NDST3: variants seen among roughly 807,000 people sequenced by gnomAD.
The protein encoded by NDST3 is N-deacetylase and N-sulfotransferase 3, also known as bifunctional heparan sulfate N-deacetylase/N-sulfotransferase 3.
Under a neutral mutation model 96.1 loss-of-function variants are expected in NDST3, and 58 were observed. The ratio of observed to expected loss-of-function variants is 0.60; its 90% CI spans 0.49 to 0.75. The LOEUF (loss-of-function observed/expected upper bound fraction) is 0.75, where lower values mean the gene tolerates loss of function less well. Ranked by LOEUF, NDST3 falls within the 30% of genes least tolerant of loss-of-function variation. The pLI is 0.00. For missense variants in NDST3, 788 were observed against 1,034.2 expected (o/e 0.76, Z 3.27); for synonymous variants, 333 against 359.7 (o/e 0.93, Z 0.84).
At chr4:118,084,992 C>T (rs1486638957) in intron 2 of NDST3, among the ~76,000 whole-genome samples, 1 of 152,036 alleles carries the variant, frequency 6.6e-6, no homozygotes, top group African/African-American at 2.4e-5. Flanking sequence ...GGCATGGTGG[C>T]AGGCACCTGT....
intron 4 of NDST3, among the ~76,000 whole-genome samples, chr4:118,126,553 T>TATATAC (rs1325447150): frequency 1.4e-5 from 2 of 142,356 alleles, no homozygotes; most frequent in African/African-American, 5.6e-5. Context: ...TATATATATA[T>TATATAC]ACACCTCATA....
chr4:118,164,004 C>T (rs978521389), intron 6 of NDST3, among the ~76,000 whole-genome samples: 2 of 152,026 alleles, frequency 1.3e-5, no homozygotes, highest in Non-Finnish European at 2.9e-5. Flanking sequence ...TAGATACATA[C>T]CCAAAGGAAT....
intron 4 of NDST3, among the ~76,000 whole-genome samples, chr4:118,117,576 C>T (rs987545294): frequency 6.6e-6 from 1 of 152,012 alleles, no homozygotes; most frequent in Non-Finnish European, 1.5e-5. Context: ...CAAGGGTTTC[C>T]AATTTTAACA....
chr4:118,133,815 T>C (rs1732841793), intron 4 of NDST3, among the ~76,000 whole-genome samples: 1 of 152,176 alleles, frequency 6.6e-6, no homozygotes, highest in African/African-American at 2.4e-5. Context: ...GAGAAGGAGG[T>C]AGTCAGAATC....
chr4:118,140,221 C>A (rs146650468), intron 5 of NDST3, among the ~76,000 whole-genome samples: 1 of 152,206 alleles, frequency 6.6e-6, no homozygotes, highest in Non-Finnish European at 1.5e-5. Flanking sequence ...CTACCTATTT[C>A]TATTCCCTTT....
intron 6 of NDST3, among the ~76,000 whole-genome samples, chr4:118,165,037 GACAAAACA>G (rs1181983870): frequency 6.6e-6 from 1 of 152,002 alleles, no homozygotes; most frequent in Non-Finnish European, 1.5e-5. Context: ...AAAGCCTCAA[GACAAAACA>G]ATTAACAAAA....
intron 2 of NDST3, among the ~76,000 whole-genome samples, chr4:118,058,004 G>A (rs1345583385): frequency 6.6e-6 from 1 of 151,284 alleles, no homozygotes; most frequent in African/African-American, 2.4e-5. Flanking sequence ...AAAATCATGA[G>A]GTCTAAAAAA....
chr4:118,122,836 A>G (rs549895000), intron 4 of NDST3, among the ~76,000 whole-genome samples: 3 of 152,274 alleles, frequency 2.0e-5, no homozygotes, highest in South Asian at 2.1e-4. Context: ...AATTCTCCCA[A>G]CCACCTGTGA....
intron 6 of NDST3, among the ~76,000 whole-genome samples, chr4:118,155,544 C>G (rs1304331576): frequency 2.0e-5 from 3 of 152,164 alleles, no homozygotes; most frequent in East Asian, 1.9e-4. Context: ...TTTTATTACT[C>G]TTTCCTAAAT....
intron 5 of NDST3, 138 bp downstream of exon 5, chr4:118,138,377 T>A: frequency 3.1e-6 from 2 of 647,820 alleles, no homozygotes; most frequent in Non-Finnish European, 4.8e-6. Flanking sequence ...TTGTCATATC[T>A]AAGCAGAAAA....
intron 6 of NDST3, among the ~76,000 whole-genome samples, chr4:118,199,004 T>G (rs144793338): frequency 6.6e-6 from 1 of 152,158 alleles, no homozygotes; most frequent in Non-Finnish European, 1.5e-5. Flanking sequence ...CCTTTGCAAG[T>G]TGAATTACCA....
chr4:118,113,291 A>C (rs1730793692), intron 3 of NDST3, among the ~76,000 whole-genome samples: 1 of 152,266 alleles, frequency 6.6e-6, no homozygotes, highest in Non-Finnish European at 1.5e-5. Flanking sequence ...TGGTAACATA[A>C]GTGTATATGA....
intron 6 of NDST3, among the ~76,000 whole-genome samples, chr4:118,184,283 G>A (rs1289702974): frequency 6.6e-6 from 1 of 152,124 alleles, no homozygotes; most frequent in East Asian, 1.9e-4. Flanking sequence ...TATTCTAGGT[G>A]TTTCTGTGCA....
At position 118,233,121 on chromosome 4, in the gene NDST3, C is replaced by G; in HGVS notation, c.1929C>G (p.His643Gln). ...AGTTCTTTAATAGAAATAACTACCA[C>G]AGGGGGATTGATTGGTAAGATGGGT... Reference protein sequence around the residue: ...EVQFFNRNNYHRGIDWYMDFF... With the variant: ...EVQFFNRNNYQRGIDWYMDFF... Residue 643 changes from histidine (H) to glutamine (Q), a missense_variant, in exon 9 of 14, where the codon CAC becomes CAG. His to Gln is a conservative substitution (Grantham distance 24, BLOSUM62 0). Around this residue, in one of 3 missense-constraint regions of NDST3, gnomAD observed 490 missense variants for 708.8 expected, o/e 0.69. Transcript: ENST00000296499. 6.2e-7 allele frequency: 1 copy of G among 1,612,414 alleles called. No homozygotes were observed. The highest frequency in any genetic ancestry group is 8.5e-7 in the Non-Finnish European group (1 of 1,178,664).
chr4:118,075,508 C>A (rs1156252987), intron 2 of NDST3, among the ~76,000 whole-genome samples: 2 of 152,054 alleles, frequency 1.3e-5, no homozygotes, highest in Non-Finnish European at 2.9e-5. Flanking sequence ...GTTTACACTC[C>A]CACCAACAGT....
intron 2 of NDST3, among the ~76,000 whole-genome samples, chr4:118,100,908 T>C (rs185464347): frequency 1.3e-5 from 2 of 152,060 alleles, no homozygotes; most frequent in Admixed American, 6.6e-5. Flanking sequence ...GATAGACACA[T>C]AGGCATAGGA....
intron 6 of NDST3, among the ~76,000 whole-genome samples, chr4:118,190,490 C>T (rs1247260578): frequency 1.3e-5 from 2 of 152,142 alleles, no homozygotes; most frequent in Admixed American, 1.3e-4. Context: ...GACACAGGTA[C>T]CTTCCCTAAT....
chr4:118,116,115 G>T (rs928162983), intron 4 of NDST3, among the ~76,000 whole-genome samples: 1 of 152,126 alleles, frequency 6.6e-6, no homozygotes, highest in South Asian at 2.1e-4. Flanking sequence ...AACGGCCCCA[G>T]AATTTGTAAT....
intron 6 of NDST3, among the ~76,000 whole-genome samples, chr4:118,217,637 G>A (rs1026299513): frequency 2.0e-5 from 3 of 151,952 alleles, no homozygotes; most frequent in African/African-American, 7.2e-5. Context: ...GGGGATCTAA[G>A]TCAAGGAGAA....
Sources: gnomAD v4.1 joint callset for allele counts (sites outside exome capture counted in the v4.1 genomes callset) on GRCh38, gnomAD v4.1.1 for gene constraint, gnomAD v4.1.1 regional missense constraint, MANE v1.5 for transcripts, NCBI Gene and HGNC (gene_info 2026-07-23, HGNC 2026-07-21) for gene names.